Variants in LRP1B observed in about 807,000 individuals in gnomAD.
LRP1B encodes the protein LDL receptor related protein 1B.
LRP1B carries 217 observed loss-of-function variants against 556.6 expected under a neutral mutation model. The ratio of observed to expected loss-of-function variants is 0.39; its 90% confidence interval spans 0.35 to 0.44. The LOEUF (loss-of-function observed/expected upper bound fraction) is 0.44. LRP1B is among the 20% of genes least tolerant of loss of function. The pLI, the probability that LRP1B is intolerant of heterozygous loss-of-function variation, is 1.00. For missense variants in LRP1B, 5,053 were observed against 5,620.8 expected (o/e 0.90, Z 3.23); for synonymous variants, 2,047 against 1,865.8 (o/e 1.10, Z -2.50).
chr2:140,251,535 T>G (rs1681414808), intron 86 of LRP1B, among the ~76,000 whole-genome samples: 1 of 151,920 alleles, frequency 6.6e-6, no homozygotes, highest in Non-Finnish European at 1.5e-5. Flanking sequence ...GTCATGGGAT[T>G]CTTCTGACCA....
intron 17 of LRP1B, among the ~76,000 whole-genome samples, chr2:140,985,649 T>TA (rs1696898258): frequency 6.6e-6 from 1 of 152,012 alleles, no homozygotes; most frequent in African/African-American, 2.4e-5. Context: ...GCCCACTGTG[T>TA]ATGTGCTGTT....
intron 6 of LRP1B, among the ~76,000 whole-genome samples, chr2:141,211,243 C>T (rs528253447): frequency 1.9e-4 from 29 of 151,766 alleles, no homozygotes; most frequent in African/African-American, 7.0e-4. Flanking sequence ...CTACCTCAGC[C>T]TCCCAGAGTG....
chr2:140,838,301 G>T (rs930408134), intron 31 of LRP1B, among the ~76,000 whole-genome samples: 3 of 152,046 alleles, frequency 2.0e-5, no homozygotes, highest in African/African-American at 7.2e-5. Flanking sequence ...TAAGTCCTTT[G>T]TATGGGTCCT....
intron 41 of LRP1B, among the ~76,000 whole-genome samples, chr2:140,650,096 A>G (rs1212169050): frequency 6.6e-6 from 1 of 152,062 alleles, no homozygotes; most frequent in Non-Finnish European, 1.5e-5. Flanking sequence ...TACACGAAAG[A>G]GACAATTTTT....
chr2:140,580,500 A>C (rs1025924366), intron 43 of LRP1B, among the ~76,000 whole-genome samples: 18 of 152,336 alleles, frequency 1.2e-4, no homozygotes, highest in Non-Finnish European at 1.2e-4. Flanking sequence ...GTTTGAAAAA[A>C]TGATTGGACT....
At chr2:141,194,933 G>C (rs1310944930) in intron 6 of LRP1B, among the ~76,000 whole-genome samples, 1 of 152,016 alleles carries the variant, frequency 6.6e-6, no homozygotes, top group Non-Finnish European at 1.5e-5. Context: ...TGATGTGCAT[G>C]TACTAGAGAA....
intron 18 of LRP1B, among the ~76,000 whole-genome samples, chr2:140,968,079 T>C (rs535775007): frequency 6.8e-6 from 1 of 147,066 alleles, no homozygotes. Context: ...CTTTTTCTAT[T>C]GATTGGAATA....
intron 22 of LRP1B, 125 bp from the exon 23 acceptor site, chr2:140,903,290 C>A: frequency 1.8e-6 from 2 of 1,117,726 alleles, no homozygotes; most frequent in Non-Finnish European, 2.5e-6. Flanking sequence ...ATAAGAAAGC[C>A]CTCTTTGGCT....
intron 18 of LRP1B, among the ~76,000 whole-genome samples, chr2:140,970,653 G>T (rs1696384296): frequency 6.7e-6 from 1 of 149,522 alleles, no homozygotes; most frequent in Non-Finnish European, 1.5e-5. Flanking sequence ...GTTCCTATTT[G>T]GCCATCTTGG....
Position 141,770,545 on chromosome 2 carries a change from A to G in LRP1B, c.205+39734T>C, listed in dbSNP as rs189493808. Among the ~76,000 whole-genome samples the G allele has an allele frequency of 4.6e-4, 70 of 152,354 alleles. 1 individual carries two copies. In the East Asian group the frequency reaches 0.013, roughly 28 times the overall value. ...ATAACTGACTGCCACAGCTATAAAT[A>G]TAGAGAAGCGTTCTCTTTTTTATTG... On this transcript the variant is annotated intron_variant, in intron 2 of 90. Coordinates refer to ENST00000389484, the MANE Select transcript of LRP1B (RefSeq NM_018557.3).
chr2:141,617,014 A>G (rs747578578), intron 2 of LRP1B, among the ~76,000 whole-genome samples: 3 of 152,132 alleles, frequency 2.0e-5, no homozygotes, highest in Non-Finnish European at 4.4e-5. Flanking sequence ...ATAAACATTA[A>G]TCCATCTGCC....
chr2:141,620,818 T>C (rs190652846), intron 2 of LRP1B, among the ~76,000 whole-genome samples: 26 of 152,256 alleles, frequency 1.7e-4, no homozygotes, highest in African/African-American at 5.8e-4. Context: ...GTCTTAGTTA[T>C]AGTATTGATT....
At chr2:141,320,504 A>G (rs1687199154) in intron 3 of LRP1B, among the ~76,000 whole-genome samples, 1 of 152,082 alleles carries the variant, frequency 6.6e-6, no homozygotes, top group African/African-American at 2.4e-5. Flanking sequence ...CTATGCCTAG[A>G]CACTGATGCG....
intron 41 of LRP1B, among the ~76,000 whole-genome samples, chr2:140,603,709 A>G (rs1311896304): frequency 6.6e-6 from 1 of 152,146 alleles, no homozygotes; most frequent in Non-Finnish European, 1.5e-5. Flanking sequence ...ATATCCACAT[A>G]TAATCTGTTT....
Position 141,463,613 on chromosome 2 carries a change from AATTATGT to A in LRP1B, c.343+16776_343+16782del, listed in dbSNP as rs1257233568. ...ATAATATATATTATATATTATATAT[AATTATGT>A]ATTATATATTATTATATATTATATA... On this transcript the variant is annotated intron_variant, in intron 3 of 90. Transcript: ENST00000389484. Among the ~76,000 whole-genome samples, 472 of 98,966 alleles carry A rather than the reference AATTATGT, an allele frequency of 4.8e-3. 12 individuals are homozygous for A. The highest frequency in any genetic ancestry group is 0.019 in the African/African-American group (406 of 21,174). 64.9% of individuals were successfully genotyped at this position (98,966 alleles called of 152,430 possible). A position where few individuals can be genotyped will look rare whatever the true frequency, so the allele number is the denominator to read the frequency against.
chr2:140,977,010 G>A (rs1334723865), intron 18 of LRP1B, among the ~76,000 whole-genome samples: 1 of 152,164 alleles, frequency 6.6e-6, no homozygotes, highest in Non-Finnish European at 1.5e-5. Flanking sequence ...ACTATAAATT[G>A]TCTAAAGGAC....
chr2:140,868,214 C>T lies in LRP1B; in HGVS notation c.4219G>A (p.Ala1407Thr), dbSNP rs2105156509. 6.3e-7 allele frequency: 1 copy of T among 1,595,208 alleles called. No homozygotes were observed. Among genetic ancestry groups the T allele is most frequent in the Non-Finnish European group, 8.5e-7 (1 of 1,173,856 alleles). ...TTTCTCCCAGCACCACTCATAGAGG[C>T]AGATTCAATGCGAGGAAAATTTGCA... ...WDANFPRIES[A>T]SMSGAGRKTI... The change falls in exon 26 of 91, where the codon GCC (alanine) becomes ACC (threonine). Residue 1407 changes from alanine to threonine, a missense_variant. Physicochemically the swap from Ala to Thr is moderately conservative, Grantham distance 58. Coordinates refer to ENST00000389484, the MANE Select transcript of LRP1B (RefSeq NM_018557.3).
At chr2:141,716,527 G>T (rs1030454070) in intron 2 of LRP1B, among the ~76,000 whole-genome samples, 1 of 152,044 alleles carries the variant, frequency 6.6e-6, no homozygotes, top group Non-Finnish European at 1.5e-5. Context: ...TAATGACAGA[G>T]AAATTTAGGA....
chr2:141,254,721 C>T, intron 3 of LRP1B, 80 bp from the exon 4 acceptor site: 15 of 1,146,048 alleles, frequency 1.3e-5, no homozygotes, highest in Non-Finnish European at 1.8e-5. Flanking sequence ...ACAATCCTTA[C>T]ACTATAGTCT....
Sources: allele counts gnomAD v4.1 joint callset (sites outside exome capture counted in the v4.1 genomes callset), GRCh38; gene constraint gnomAD v4.1.1; transcripts MANE v1.5; gene names NCBI Gene and HGNC (gene_info 2026-07-23, HGNC 2026-07-21).